The following CFAP61 variants were observed in gnomAD, a reference collection of about 807,000 sequenced individuals.
The protein encoded by CFAP61 is cilia and flagella associated protein 61.
In CFAP61, 107 loss-of-function variants were observed where a neutral mutation model predicts 135.6. The observed-to-expected ratio is 0.79, with a 90% CI of 0.67 to 0.93. The LOEUF is 0.93. Ranked by LOEUF, CFAP61 falls within the 40% of genes least tolerant of loss-of-function variation. CFAP61 has a pLI of 0.00. For synonymous variants in CFAP61, 575 were observed against 578.5 expected, an observed-to-expected ratio of 0.99 and a Z score of 0.09; for missense variants, 1,507 against 1,556.2, an observed-to-expected ratio of 0.97 and a Z score of 0.53.
At position 20,353,451 on chromosome 20, in the gene CFAP61, A is replaced by C. The variant is rs148819473; in HGVS notation, c.3514-6759A>C. Among the ~76,000 whole-genome samples the C allele has an allele frequency of 2.1e-3, 315 of 152,294 alleles. 2 individuals are homozygous for C. The highest frequency in any genetic ancestry group is 7.2e-3 in the African/African-American group (300 of 41,572). ...TAGGCTCCAGCAACCTACCACCCGG[A>C]ACTGAAATAACTCGGTAAATAATTA... On this transcript the variant is annotated intron_variant, in intron 26 of 26. Coordinates refer to ENST00000245957, the MANE Select transcript of CFAP61 (RefSeq NM_015585.4).
At chr20:20,295,900 C>G (rs1034277020) in intron 24 of CFAP61, among the ~76,000 whole-genome samples, 6 of 151,488 alleles carry the variant, frequency 4.0e-5, no homozygotes, top group African/African-American at 1.5e-4. Context: ...CAGAGGAGAC[C>G]AGGCCCCTGC....
chr20:20,207,320 G>T (rs1043756728), intron 17 of CFAP61, among the ~76,000 whole-genome samples: 1 of 152,130 alleles, frequency 6.6e-6, no homozygotes, highest in African/African-American at 2.4e-5. Flanking sequence ...GCTTCCAACA[G>T]AAAAGAAAAA....
intron 21 of CFAP61, among the ~76,000 whole-genome samples, chr20:20,269,180 TAC>T (rs370261733): frequency 0.033 from 2,389 of 73,398 alleles, 105 homozygotes; most frequent in Middle Eastern, 0.045. Flanking sequence ...TATATGTATA[TAC>T]ACACACATAT....
intron 13 of CFAP61, among the ~76,000 whole-genome samples, chr20:20,173,187 C>T (rs1391199858): frequency 6.6e-6 from 1 of 152,122 alleles, no homozygotes; most frequent in Non-Finnish European, 1.5e-5. Flanking sequence ...ACTTGAAAAA[C>T]CTCTTGTTTG....
intron 2 of CFAP61, among the ~76,000 whole-genome samples, chr20:20,069,130 A>AT (rs2045526927): frequency 6.6e-6 from 1 of 152,142 alleles, no homozygotes; most frequent in South Asian, 2.1e-4. Flanking sequence ...CCCAAAGTAA[A>AT]TTGATTTAAA....
intron 26 of CFAP61, 71 bp from the exon 27 acceptor site, chr20:20,360,139 C>A: frequency 8.7e-7 from 1 of 1,154,116 alleles, no homozygotes. Flanking sequence ...TTTTCATTCT[C>A]ATGAAACTGC....
In CFAP61 at chr20:20,360,210, G is replaced by A. The variant is rs750064612; in HGVS notation, c.3514G>A (p.Glu1172Lys). 6.2e-7 allele frequency: 1 copy of A among 1,610,712 alleles called. No homozygotes were observed. The highest frequency in any genetic ancestry group is 1.3e-5 in the African/African-American group (1 of 74,842). ...ELRQILASKE[E>K]EDLPSIEQLA... ...TCTGGCCTCTTACTGTGTTTTACAG[G>A]AGGAAGATCTTCCTTCCATAGAGCA... The change falls in exon 27 of 27, where the codon GAG (glutamate) becomes AAG (lysine). Residue 1172 changes from glutamate (E) to lysine (K), a missense_variant and splice_region_variant. By Grantham distance (56) the Glu-to-Lys change is moderately conservative. Coordinates refer to ENST00000245957, the MANE Select transcript of CFAP61 (RefSeq NM_015585.4).
chr20:20,181,177 A>ATG (rs377359055), intron 13 of CFAP61, among the ~76,000 whole-genome samples: 49 of 3,364 alleles, frequency 0.015, no homozygotes, highest in Non-Finnish European at 0.047. Flanking sequence ...ATATATACAC[A>ATG]TATATATGCA....
At chr20:20,069,888 A>G (rs1173340831) in intron 2 of CFAP61, 1 of 354,278 alleles carries the variant, frequency 2.8e-6, no homozygotes, top group African/African-American at 2.1e-5. Context: ...TGTTCTCCTC[A>G]AGAAGGAACA....
At chr20:20,161,482 A>G (rs2053400452) in intron 10 of CFAP61, among the ~76,000 whole-genome samples, 1 of 152,240 alleles carries the variant, frequency 6.6e-6, no homozygotes, top group Non-Finnish European at 1.5e-5. Context: ...AAAAAAATCA[A>G]TGGAAGAGTT....
chr20:20,293,505 C>T (rs186576173), intron 24 of CFAP61, among the ~76,000 whole-genome samples: 5 of 152,236 alleles, frequency 3.3e-5, no homozygotes, highest in East Asian at 1.9e-4. Context: ...TAAGTGAAAT[C>T]GTTGCCAAAA....
chr20:20,290,377 G>A lies in CFAP61; in HGVS notation c.3202G>A (p.Ala1068Thr), dbSNP rs1421047844. Residue 1068 changes from alanine to threonine, a missense_variant, in exon 24 of 27, where the codon GCA becomes ACA. Physicochemically the swap from Ala to Thr is moderately conservative, Grantham distance 58. Coordinates refer to ENST00000245957, the MANE Select transcript of CFAP61 (RefSeq NM_015585.4). ...TCCAACTCCCTTGGAGGTACAAATG[G>A]CACAGCCTAATTATGTAAGTATTAT... The part of the protein sequence containing the change: ...AIPTPLEVQM[A>T]QPNYGLELVT... 2.5e-6 allele frequency: 4 copies of A among 1,600,204 alleles called. No homozygotes were observed. Among genetic ancestry groups the A allele is most frequent in the Non-Finnish European group, 3.4e-6 (4 of 1,167,362 alleles).
chr20:20,140,330 C>T (rs2051278399), intron 8 of CFAP61, among the ~76,000 whole-genome samples: 1 of 150,272 alleles, frequency 6.7e-6, no homozygotes, highest in Admixed American at 6.6e-5. Context: ...TCTCCTAATG[C>T]TATCCCTCCC....
chr20:20,142,981 G>C, intron 9 of CFAP61, 33 bp downstream of exon 9: 2 of 1,360,170 alleles, frequency 1.5e-6, no homozygotes, highest in Middle Eastern at 1.8e-4. Flanking sequence ...GCCTAGGGTG[G>C]GGGGATGGGC....
chr20:20,294,641 C>T (rs2055261224), intron 24 of CFAP61, among the ~76,000 whole-genome samples: 1 of 152,146 alleles, frequency 6.6e-6, no homozygotes, highest in African/African-American at 2.4e-5. Flanking sequence ...AAAAATAATA[C>T]CAAAAGGTCG....
At chr20:20,099,339 A>G (rs35484844) in intron 8 of CFAP61, among the ~76,000 whole-genome samples, 30,063 of 152,148 alleles carry the variant, frequency 0.2, 3,273 homozygotes, top group Non-Finnish European at 0.24. Context: ...AAATAATACC[A>G]TCAATTTTAA....
chr20:20,063,653 T>C (rs975205288), intron 2 of CFAP61, among the ~76,000 whole-genome samples: 3 of 152,152 alleles, frequency 2.0e-5, no homozygotes, highest in Admixed American at 2.0e-4. Context: ...AAAGAATCCC[T>C]GTATAGTAAA....
intron 17 of CFAP61, among the ~76,000 whole-genome samples, chr20:20,208,269 C>T (rs1269548254): frequency 2.6e-5 from 4 of 152,188 alleles, no homozygotes; most frequent in Non-Finnish European, 4.4e-5. Flanking sequence ...CTCCTGCACC[C>T]AGATGGAAAG....
chr20:20,210,406 C>G (rs1034918453), intron 17 of CFAP61, among the ~76,000 whole-genome samples: 1 of 152,182 alleles, frequency 6.6e-6, no homozygotes, highest in African/African-American at 2.4e-5. Flanking sequence ...TTTTCAGACT[C>G]AAAAAACCTT....
Sources: gnomAD v4.1 joint callset for allele counts (sites outside exome capture counted in the v4.1 genomes callset) on GRCh38, gnomAD v4.1.1 for gene constraint, MANE v1.5 for transcripts, NCBI Gene and HGNC (gene_info 2026-07-23, HGNC 2026-07-21) for gene names.